The following LMO3 variants were observed in gnomAD, a reference collection of about 807,000 sequenced individuals.
The protein encoded by LMO3 is LIM domain only protein 3.
LMO3 carries 2 observed loss-of-function variants against 15.8 expected under a neutral mutation model. The observed-to-expected ratio is 0.13, with a 90% confidence interval of 0.05 to 0.40. LMO3 has a LOEUF of 0.40. Among genes scored for constraint, LMO3 ranks in the 10% least tolerant of loss-of-function variants. The pLI is 0.99. For synonymous variants in LMO3, 62 were observed against 63.8 expected, an observed-to-expected ratio of 0.97 and a Z score of 0.13; for missense variants, 86 against 182.2, an observed-to-expected ratio of 0.47 and a Z score of 3.04.
At chr12:16,554,015 C>G (rs1457036346) in intron 3 of LMO3, among the ~76,000 whole-genome samples, 1 of 151,962 alleles carries the variant, frequency 6.6e-6, no homozygotes, top group Non-Finnish European at 1.5e-5. Flanking sequence ...TAATTTTACC[C>G]TCATTTAAAA....
chr12:16,591,596 A>G lies in LMO3; in HGVS notation c.206+9059T>C, dbSNP rs1004175971. 1.3e-5 allele frequency among the ~76,000 whole-genome samples: 2 copies of G among 152,052 alleles called. No individual in the cohort carries two copies. Among genetic ancestry groups the G allele is most frequent in the East Asian group, 3.9e-4 (2 of 5,186 alleles). On this transcript the variant is annotated intron_variant, in intron 2 of 3. Transcript: ENST00000537304. This position sits in a 1 kb window ranked among gnomAD's most constrained non-coding sequence, Gnocchi z 4.1. ...TAGAATATACAGAATGATCACATTT[A>G]TTGAATGAAAAAATGGGAATGGGGA...
At chr12:16,588,983 G>A (rs1284516099) in intron 2 of LMO3, among the ~76,000 whole-genome samples, 4 of 151,978 alleles carry the variant, frequency 2.6e-5, no homozygotes, top group Admixed American at 2.6e-4. Flanking sequence ...TTATGAATAG[G>A]ATTCCTATTT....
At chr12:16,552,278 G>A (rs184962678) in intron 3 of LMO3, among the ~76,000 whole-genome samples, 1 of 152,072 alleles carries the variant, frequency 6.6e-6, no homozygotes, top group East Asian at 1.9e-4. Flanking sequence ...GTGGTGTCTG[G>A]TAGAGTTGAC....
intron 3 of LMO3, among the ~76,000 whole-genome samples, chr12:16,557,367 ATTT>A (rs68115649): frequency 3.8e-4 from 54 of 142,740 alleles, no homozygotes; most frequent in African/African-American, 1.2e-3. Flanking sequence ...GGTGGCAAGG[ATTT>A]TTTTTTTTTT....
At chr12:16,577,682 C>G (rs866410554) in intron 2 of LMO3, among the ~76,000 whole-genome samples, 2 of 152,162 alleles carry the variant, frequency 1.3e-5, no homozygotes, top group South Asian at 4.1e-4. Flanking sequence ...ACAAATCATT[C>G]TGCACACATC....
At chr12:16,563,920 A>G (rs550598243) in intron 2 of LMO3, among the ~76,000 whole-genome samples, 2 of 152,286 alleles carry the variant, frequency 1.3e-5, no homozygotes, top group South Asian at 2.1e-4. Context: ...TAATTTGCCA[A>G]TTTATGGGCT....
chr12:16,560,326 T>C lies in LMO3; in HGVS notation c.332+87A>G. On this transcript the variant is annotated intron_variant, in intron 3 of 3. Coordinates refer to ENST00000537304, the MANE Select transcript of LMO3 (RefSeq NM_018640.5). The surrounding 1 kb of genome is among the most constrained non-coding windows in gnomAD (Gnocchi z 5.0). ...AAACGCTGAGATTGATTGCTTTAAA[T>C]GTATGAATATAATTTCCACCTATTA... 1 of 1,392,222 alleles carries C rather than the reference T, an allele frequency of 7.2e-7. No individual in the cohort carries two copies. Among genetic ancestry groups the C allele is most frequent in the East Asian group, 2.4e-5 (1 of 42,492 alleles). The allele number at this position is 1,392,222 out of a possible 1,614,324, so 86.2% of individuals were successfully genotyped here. A position where few individuals can be genotyped will look rare whatever the true frequency, so the allele number is the denominator to read the frequency against.
rs559501961 is a variant in LMO3, at chr12:16,599,591, T to A, written c.206+1064A>T. 9.2e-5 allele frequency: 14 copies of A among 152,270 alleles called. No individual in the cohort carries two copies. In the East Asian group the frequency reaches 2.5e-3, roughly 27 times the overall value. 9.4% of individuals were successfully genotyped at this position (152,270 alleles called of 1,614,324 possible). A position where few individuals can be genotyped will look rare whatever the true frequency, so the allele number is the denominator to read the frequency against. On this transcript the variant is annotated intron_variant, in intron 2 of 3. Transcript: ENST00000537304. This position sits in a 1 kb window ranked among gnomAD's most constrained non-coding sequence, Gnocchi z 4.1. ...AAAAAATTCCAAATAAATCGCTTAATGTCAGACCAGAAAAATGATAAATTG... is the reference window on the plus strand; with the variant it reads ...AAAAAATTCCAAATAAATCGCTTAAAGTCAGACCAGAAAAATGATAAATTG...
At chr12:16,558,586 C>CGTCTA (rs1043889446) in intron 3 of LMO3, among the ~76,000 whole-genome samples, 6 of 152,060 alleles carry the variant, frequency 3.9e-5, no homozygotes, top group Admixed American at 1.3e-4. Context: ...AATTTATTTT[C>CGTCTA]GTCTAAATGT....
chr12:16,570,957 T>C (rs1942792453), intron 2 of LMO3, among the ~76,000 whole-genome samples: 1 of 152,106 alleles, frequency 6.6e-6, no homozygotes, highest in Middle Eastern at 3.2e-3. Context: ...TAAGAATCTA[T>C]TATCAGCATG....
intron 2 of LMO3, among the ~76,000 whole-genome samples, chr12:16,575,405 C>T (rs556452874): frequency 2.0e-5 from 3 of 152,246 alleles, no homozygotes; most frequent in East Asian, 1.9e-4. Flanking sequence ...CAAAGATTTC[C>T]CTTTGCTTAC....
chr12:16,609,448 AGATCCTTTG>A (rs1174477473), upstream of LMO3, among the ~76,000 whole-genome samples: 2 of 152,196 alleles, frequency 1.3e-5, no homozygotes, highest in Admixed American at 6.5e-5. Flanking sequence ...GTTTAATTAC[AGATCCTTTG>A]GAAATCTTTG....
rs570976269 is a variant in LMO3, at chr12:16,591,463, C to T, written c.206+9192G>A. Among the ~76,000 whole-genome samples the T allele has an allele frequency of 6.6e-6, 1 of 152,102 alleles. No homozygotes were observed. Among genetic ancestry groups the T allele is most frequent in the Non-Finnish European group, 1.5e-5 (1 of 67,960 alleles). On this transcript the variant is annotated intron_variant, in intron 2 of 3. Coordinates refer to ENST00000537304, the MANE Select transcript of LMO3 (RefSeq NM_018640.5). The surrounding 1 kb of genome is among the most constrained non-coding windows in gnomAD (Gnocchi z 4.1). Reference sequence around the variant, plus strand: ...GTTTATCATCTCCTCATGCCCTATACTTATTTTGTTGATTACCTATTTCCC... The same window carrying T: ...GTTTATCATCTCCTCATGCCCTATATTTATTTTGTTGATTACCTATTTCCC...
At chr12:16,565,421 CT>C (rs1344848663) in intron 2 of LMO3, among the ~76,000 whole-genome samples, 1 of 152,114 alleles carries the variant, frequency 6.6e-6, no homozygotes. Flanking sequence ...ACATTCAATT[CT>C]TTTGTTTTCA....
At chr12:16,554,941 C>T (rs1942138268) in intron 3 of LMO3, among the ~76,000 whole-genome samples, 1 of 152,210 alleles carries the variant, frequency 6.6e-6, no homozygotes, top group Non-Finnish European at 1.5e-5. Context: ...GGATTACCGG[C>T]ATTAGCCACC....
In LMO3 at chr12:16,596,338, T is replaced by C. The variant is rs1943657052; in HGVS notation, c.206+4317A>G. On this transcript the variant is annotated intron_variant, in intron 2 of 3. Transcript: ENST00000537304. The surrounding 1 kb of genome is among the most constrained non-coding windows in gnomAD (Gnocchi z 4.3). Reference sequence around the variant, plus strand: ...CATCCTCACGTATAAAAATAGCAAATTGCATTAAATTTTATATAAGACATT... The same window carrying C: ...CATCCTCACGTATAAAAATAGCAAACTGCATTAAATTTTATATAAGACATT... Among the ~76,000 whole-genome samples, 1 of 151,572 alleles carries C rather than the reference T, an allele frequency of 6.6e-6. No individual in the cohort carries two copies. Among genetic ancestry groups the C allele is most frequent in the African/African-American group, 2.4e-5 (1 of 41,396 alleles).
Position 16,585,710 on chromosome 12 carries a change from C to A in LMO3, c.206+14945G>T, listed in dbSNP as rs1565502859. ...AATCCTCAGGTGATGTAAGCAGCTC[C>A]AAATATAATAATAGAAAGGAAAATA... On this transcript the variant is annotated intron_variant, in intron 2 of 3. Transcript: ENST00000537304. This position sits in a 1 kb window ranked among gnomAD's most constrained non-coding sequence, Gnocchi z 4.7. Among the ~76,000 whole-genome samples the A allele has an allele frequency of 6.6e-6, 1 of 151,868 alleles. No homozygotes were observed. Among genetic ancestry groups the A allele is most frequent in the Non-Finnish European group, 1.5e-5 (1 of 68,006 alleles).
chr12:16,591,234 CAT>C lies in LMO3; in HGVS notation c.206+9419_206+9420del, dbSNP rs1943487153. ...ACTAGTATCTGTGATGTCCTTCAAA[CAT>C]ATGAGAAAAACTCCCACCTCAGGGC... On this transcript the variant is annotated intron_variant, in intron 2 of 3. Coordinates refer to ENST00000537304, the MANE Select transcript of LMO3 (RefSeq NM_018640.5). This position sits in a 1 kb window ranked among gnomAD's most constrained non-coding sequence, Gnocchi z 4.1. Among the ~76,000 whole-genome samples the C allele has an allele frequency of 6.6e-6, 1 of 151,962 alleles. No individual in the cohort carries two copies. Among genetic ancestry groups the C allele is most frequent in the African/African-American group, 2.4e-5 (1 of 41,418 alleles).
rs958751517 is a variant in LMO3, at chr12:16,603,659, A to G, written c.-9+2407T>C. Among the ~76,000 whole-genome samples the G allele has an allele frequency of 6.6e-6, 1 of 152,232 alleles. No individual in the cohort carries two copies. Among genetic ancestry groups the G allele is most frequent in the Non-Finnish European group, 1.5e-5 (1 of 68,046 alleles). ...CCTGTGCAGTGTGGTGTGCAGAAAT[A>G]AGTAGAACCATTTCATTTAAACTCT... is the stretch of plus-strand genomic sequence containing the variant. On this transcript the variant is annotated intron_variant, in intron 1 of 3. Coordinates refer to ENST00000537304, the MANE Select transcript of LMO3 (RefSeq NM_018640.5). This position sits in a 1 kb window ranked among gnomAD's most constrained non-coding sequence, Gnocchi z 4.9.
Sources: gnomAD v4.1 joint callset for allele counts (sites outside exome capture counted in the v4.1 genomes callset) on GRCh38, gnomAD v4.1.1 for gene constraint, Gnocchi (gnomAD v3.1) non-coding constraint, MANE v1.5 for transcripts, NCBI Gene and HGNC (gene_info 2026-07-23, HGNC 2026-07-21) for gene names.